Variants in EGFR observed in about 807,000 individuals in gnomAD.
EGFR encodes the protein epidermal growth factor receptor.
Under a neutral mutation model 143.0 loss-of-function variants are expected in EGFR, and 58 were observed. The ratio of observed to expected loss-of-function variants is 0.41; its 90% CI spans 0.33 to 0.50. EGFR has a LOEUF of 0.50. EGFR is among the 20% of genes least tolerant of loss of function. The probability of loss-of-function intolerance (pLI) is 0.39; values close to 1 mark genes in which losing one functional copy is unlikely to be tolerated. For missense variants in EGFR, 1,307 were observed against 1,579.0 expected (o/e 0.83, Z 2.92); for synonymous variants, 613 against 594.4 (o/e 1.03, Z -0.45).
In EGFR at chr7:55,152,312, G is replaced by C; in HGVS notation, c.629-234G>C. ...CCAAGATGCATCTAATTATTTAGCA[G>C]GTCTCAAAGTCTAGACTTGATCTCA... On this transcript the variant is annotated intron_variant, in intron 5 of 27. Coordinates refer to ENST00000275493, the MANE Select transcript of EGFR (RefSeq NM_005228.5). The C allele has an allele frequency of 2.8e-6, 2 of 719,820 alleles. 1 individual carries two copies. Among genetic ancestry groups the C allele is most frequent in the South Asian group, 2.8e-5 (2 of 71,552 alleles). The allele number at this position is 719,820 out of a possible 1,614,324, so 44.6% of individuals were successfully genotyped here.
chr7:55,056,803 C>T (rs1788851861), intron 1 of EGFR, among the ~76,000 whole-genome samples: 1 of 152,226 alleles, frequency 6.6e-6, no homozygotes, highest in African/African-American at 2.4e-5. Context: ...CATGAGCCAA[C>T]AACAGCGTGG....
At chr7:55,109,093 A>G (rs569892864) in intron 1 of EGFR, among the ~76,000 whole-genome samples, 2 of 152,358 alleles carry the variant, frequency 1.3e-5, no homozygotes, top group South Asian at 4.1e-4. Context: ...CAGAATGAGC[A>G]GCACAGTCCC....
intron 24 of EGFR, 32 bp downstream of exon 24, chr7:55,200,445 A>T (rs2128970096): frequency 4.4e-6 from 7 of 1,595,208 alleles, no homozygotes; most frequent in Non-Finnish European, 5.2e-6. Flanking sequence ...TCCATTGGGA[A>T]GAGTCCCTCT....
At chr7:55,148,169 A>G (rs1233367382) in intron 4 of EGFR, among the ~76,000 whole-genome samples, 1 of 152,214 alleles carries the variant, frequency 6.6e-6, no homozygotes, top group Non-Finnish European at 1.5e-5. Context: ...TTTGCAAGAA[A>G]CTGAAAGCTT....
chr7:55,131,648 G>A (rs1398864759), intron 1 of EGFR, among the ~76,000 whole-genome samples: 1 of 152,200 alleles, frequency 6.6e-6, no homozygotes, highest in African/African-American at 2.4e-5. Flanking sequence ...CAAAGGCACT[G>A]AGCGCCCTCT....
chr7:55,185,262 C>A (rs1787081701), intron 20 of EGFR, among the ~76,000 whole-genome samples: 1 of 152,226 alleles, frequency 6.6e-6, no homozygotes, highest in South Asian at 2.1e-4. Flanking sequence ...TCTCCATATG[C>A]AAAACCATCT....
rs796598124 is a variant in EGFR at position 55,097,820 on chromosome 7, C to CA, written c.89-44454dup. 1.4e-3 allele frequency among the ~76,000 whole-genome samples: 194 copies of CA among 139,434 alleles called. 1 individual carries two copies. The highest frequency in any genetic ancestry group is 3.6e-3 in the Middle Eastern group (1 of 276). 91.5% of individuals were successfully genotyped at this position (139,434 alleles called of 152,430 possible). A position where few individuals can be genotyped will look rare whatever the true frequency, so the allele number is the denominator to read the frequency against. ...ATGTCTATAGGATGATCCCATTTGT[C>CA]AAAAAAAAAAAAGAACTGGGCTTTA... On this transcript the variant is annotated intron_variant, in intron 1 of 27. Coordinates refer to ENST00000275493, the MANE Select transcript of EGFR (RefSeq NM_005228.5).
intron 1 of EGFR, among the ~76,000 whole-genome samples, chr7:55,072,024 A>G (rs1024341157): frequency 6.6e-6 from 1 of 152,214 alleles, no homozygotes; most frequent in Non-Finnish European, 1.5e-5. Context: ...GACCTGAAAT[A>G]CTTTCGCACA....
At chr7:55,192,441 C>T (rs536913002) in intron 21 of EGFR, among the ~76,000 whole-genome samples, 6 of 152,310 alleles carry the variant, frequency 3.9e-5, no homozygotes, top group African/African-American at 1.4e-4. Context: ...CTGCTTGGCT[C>T]CTAGCAGCCA....
At chr7:55,123,796 G>A (rs770144812) in intron 1 of EGFR, among the ~76,000 whole-genome samples, 8 of 152,058 alleles carry the variant, frequency 5.3e-5, no homozygotes, top group Non-Finnish European at 8.8e-5. Flanking sequence ...AGAGCAGCAG[G>A]TTTTTCTTAA....
intron 1 of EGFR, among the ~76,000 whole-genome samples, chr7:55,114,693 C>T (rs1462849886): frequency 6.6e-6 from 1 of 151,928 alleles, no homozygotes; most frequent in Non-Finnish European, 1.5e-5. Context: ...ACTGGGGAAT[C>T]CATTCTTTCC....
At chr7:55,151,406 TCTTC>T (rs963953337) in intron 5 of EGFR, 44 bp downstream of exon 5, 3 of 1,595,768 alleles carry the variant, frequency 1.9e-6, no homozygotes, top group African/African-American at 2.7e-5. Flanking sequence ...ACCGCCCCTC[TCTTC>T]CTTCACTTGC....
chr7:55,196,202 A>G (rs975790892), intron 22 of EGFR, among the ~76,000 whole-genome samples: 2 of 4,986 alleles, frequency 4.0e-4, no homozygotes, highest in Non-Finnish European at 7.1e-4. Context: ...TTACTTTTCA[A>G]TAATAGCCAT....
In EGFR at chr7:55,203,150, A is replaced by G. The variant is rs186204337; in HGVS notation, c.3271+525A>G. 6.0e-4 allele frequency: 146 copies of G among 243,444 alleles called. 2 individuals carry two copies. In the East Asian group the frequency reaches 8.2e-3, roughly 14 times the overall value. 15.1% of individuals were successfully genotyped at this position (243,444 alleles called of 1,614,324 possible). ...ACACATATACACACACCACACACAT[A>G]CACAGACACCACACACATACCATAC... is the stretch of plus-strand genomic sequence containing the variant. On this transcript the variant is annotated intron_variant, in intron 27 of 27. Coordinates refer to ENST00000275493, the MANE Select transcript of EGFR (RefSeq NM_005228.5).
At chr7:55,171,971 C>T (rs1296473427) in intron 16 of EGFR, among the ~76,000 whole-genome samples, 1 of 152,196 alleles carries the variant, frequency 6.6e-6, no homozygotes, top group African/African-American at 2.4e-5. Context: ...AGTTGACAGC[C>T]ATAGCTCTCT....
intron 1 of EGFR, among the ~76,000 whole-genome samples, chr7:55,034,511 T>C (rs577932629): frequency 2.0e-5 from 3 of 152,330 alleles, no homozygotes; most frequent in African/African-American, 7.2e-5. Flanking sequence ...CACTGATGAC[T>C]GGTGTTGAGC....
At chr7:55,200,674 C>G in intron 24 of EGFR, 1 of 562,538 alleles carries the variant, frequency 1.8e-6, no homozygotes, top group South Asian at 2.0e-5. Context: ...TCCGGCTAGC[C>G]AAAGCCTCAG....
In EGFR at chr7:55,143,352, G is replaced by A. The variant is rs751744275; in HGVS notation, c.288G>A (p.Val96=). Residue 96 remains valine (V), a synonymous_variant, in exon 3 of 28, where the codon GTG becomes GTA. Coordinates refer to ENST00000275493, the MANE Select transcript of EGFR (RefSeq NM_005228.5). ...ATGTCCTCATTGCCCTCAACACAGT[G>A]GAGCGAATTCCTTTGGAAAACCTGC... ...AGYVLIALNT[V]ERIPLENLQI... 1.5e-5 allele frequency: 24 copies of A among 1,614,034 alleles called. No individual in the cohort carries two copies. The highest frequency in any genetic ancestry group is 1.7e-5 in the Non-Finnish European group (20 of 1,180,048).
chr7:55,110,831 G>GGGCC (rs1377173994), intron 1 of EGFR, among the ~76,000 whole-genome samples: 1 of 152,160 alleles, frequency 6.6e-6, no homozygotes, highest in Non-Finnish European at 1.5e-5. Context: ...GGCAGATCTT[G>GGGCC]GGCCCAGGTG....
Sources: gnomAD v4.1 joint callset for allele counts (sites outside exome capture counted in the v4.1 genomes callset) on GRCh38, gnomAD v4.1.1 for gene constraint, MANE v1.5 for transcripts, NCBI Gene and HGNC (gene_info 2026-07-23, HGNC 2026-07-21) for gene names.